Variants in TRPM6 observed in about 807,000 individuals in gnomAD.
TRPM6 encodes the protein transient receptor potential cation channel subfamily M member 6.
A neutral mutation model predicts 247.6 loss-of-function variants in TRPM6; 111 were observed. The observed-to-expected ratio is 0.45, with a 90% CI of 0.38 to 0.52. TRPM6 has a LOEUF of 0.52. TRPM6 is among the 20% of genes least tolerant of loss of function. The pLI is 0.00. For synonymous variants in TRPM6, 892 were observed against 853.8 expected (o/e 1.04, Z -0.78); for missense variants, 2,126 against 2,421.5 (o/e 0.88, Z 2.56).
intron 17 of TRPM6, 109 bp from the exon 18 acceptor site, chr9:74,797,002 A>G: frequency 1.0e-6 from 1 of 997,064 alleles, no homozygotes; most frequent in African/African-American, 1.6e-5. Flanking sequence ...GACCCATCCC[A>G]GTCAATTTTC....
chr9:74,800,171 A>G, intron 17 of TRPM6, 83 bp downstream of exon 17: 2 of 1,334,446 alleles, frequency 1.5e-6, no homozygotes, highest in Middle Eastern at 1.9e-4. Context: ...TGAAGACACA[A>G]TTCTGGAACA....
intron 27 of TRPM6, among the ~76,000 whole-genome samples, chr9:74,759,661 C>G (rs1156881115): frequency 6.6e-6 from 1 of 151,790 alleles, no homozygotes; most frequent in Non-Finnish European, 1.5e-5. Context: ...CAAGCAAGAG[C>G]TAAAACTATA....
In TRPM6 at chr9:74,788,730, C is replaced by T. The variant is rs779026898; in HGVS notation, c.2551G>A (p.Ala851Thr). The T allele has an allele frequency of 6.2e-7, 1 of 1,613,866 alleles. No homozygotes were observed. Residue 851 changes from alanine to threonine, a missense_variant, in exon 20 of 39, where the codon GCA becomes ACA. Coordinates refer to ENST00000360774, the MANE Select transcript of TRPM6 (RefSeq NM_017662.5). ...GTGTAAGTGAACAGCATGAGGAATG[C>T]CAAATACGCCATCTGTGAGGGGGAC... ...KFWFYTMAYL[A>T]FLMLFTYTVL...
intron 3 of TRPM6, among the ~76,000 whole-genome samples, chr9:74,843,551 G>A (rs1383694087): frequency 6.6e-6 from 1 of 152,036 alleles, no homozygotes; most frequent in Non-Finnish European, 1.5e-5. Flanking sequence ...GCTCACGCCT[G>A]TAATCCCAGC....
At chr9:74,863,593 T>G (rs1251934656) in intron 1 of TRPM6, among the ~76,000 whole-genome samples, 1 of 152,026 alleles carries the variant, frequency 6.6e-6, no homozygotes, top group Non-Finnish European at 1.5e-5. Context: ...AAAGTGACTT[T>G]TTTTTTGAGA....
intron 19 of TRPM6, among the ~76,000 whole-genome samples, chr9:74,789,960 C>CAAGAA (rs1827841100): frequency 3.1e-5 from 2 of 65,114 alleles, no homozygotes; most frequent in African/African-American, 6.4e-5. Flanking sequence ...GACTCCATCT[C>CAAGAA]AAAAAAAAAA....
intron 5 of TRPM6, among the ~76,000 whole-genome samples, chr9:74,836,335 G>C (rs2118149587): frequency 6.6e-6 from 1 of 152,196 alleles, no homozygotes; most frequent in East Asian, 1.9e-4. Context: ...TGTGTCATTA[G>C]CACAGAAGGA....
intron 13 of TRPM6, among the ~76,000 whole-genome samples, chr9:74,808,885 T>C (rs1356076521): frequency 6.6e-6 from 1 of 152,224 alleles, no homozygotes; most frequent in East Asian, 1.9e-4. Flanking sequence ...GACAGTATAG[T>C]GTTTTCTATA....
At position 74,872,197 on chromosome 9, in the gene TRPM6, G is replaced by A. The variant is rs142451190; in HGVS notation, c.34-13449C>T. 6.1e-3 allele frequency among the ~76,000 whole-genome samples: 931 copies of A among 152,182 alleles called. 1 individual carries two copies. The highest frequency in any genetic ancestry group is 0.01 in the Middle Eastern group (3 of 294). On this transcript the variant is annotated intron_variant, in intron 1 of 38. Transcript: ENST00000360774. ...GACAGGGTCTTGTTATGTTGGCCAGGGTAGCCTTGAACTCCTGGCCTCAAG... is the reference window on the plus strand; with the variant it reads ...GACAGGGTCTTGTTATGTTGGCCAGAGTAGCCTTGAACTCCTGGCCTCAAG...
rs1297681339 is a variant in TRPM6 at position 74,786,035 on chromosome 9, G to A, written c.2758C>T (p.Leu920=). 6.2e-7 allele frequency: 1 copy of A among 1,614,170 alleles called. No individual in the cohort carries two copies. The highest frequency in any genetic ancestry group is 8.5e-7 in the Non-Finnish European group (1 of 1,180,038). The part of the protein sequence containing the change: ...WNLTETVAIG[L]FSAGFVLRWG... The stretch of plus-strand genomic sequence containing the variant: ...CGAAGGACGAAGCCAGCTGAAAACA[G>A]GCCAATGGCCACAGTTTCTGTTAAG... Residue 920 remains leucine (L), a synonymous_variant, in exon 21 of 39, where the codon CTG becomes TTG. Transcript: ENST00000360774.
intron 27 of TRPM6, among the ~76,000 whole-genome samples, chr9:74,758,316 A>T (rs2118825291): frequency 6.6e-6 from 1 of 152,304 alleles, no homozygotes; most frequent in East Asian, 1.9e-4. Flanking sequence ...CCAGACAAAG[A>T]TATTACAATA....
At chr9:74,794,104 G>GAAAGC (rs1828004739) in intron 18 of TRPM6, among the ~76,000 whole-genome samples, 1 of 152,070 alleles carries the variant, frequency 6.6e-6, no homozygotes, top group Non-Finnish European at 1.5e-5. Context: ...GTAGCGAAAG[G>GAAAGC]AAAGCAAAAG....
At chr9:74,826,068 C>T (rs1294455285) in intron 7 of TRPM6, among the ~76,000 whole-genome samples, 1 of 152,046 alleles carries the variant, frequency 6.6e-6, no homozygotes, top group Non-Finnish European at 1.5e-5. Context: ...TACCCCACAA[C>T]CATGAGATGA....
intron 3 of TRPM6, among the ~76,000 whole-genome samples, chr9:74,844,213 C>T (rs1263071008): frequency 3.9e-5 from 6 of 152,318 alleles, no homozygotes; most frequent in Admixed American, 6.5e-5. Flanking sequence ...TAGACTTGCT[C>T]GATCCAAGGT....
At chr9:74,730,807 A>G (rs939404771) in intron 37 of TRPM6, among the ~76,000 whole-genome samples, 4 of 152,194 alleles carry the variant, frequency 2.6e-5, no homozygotes, top group Non-Finnish European at 5.9e-5. Flanking sequence ...TCATGGGAAA[A>G]TAGTGCTTCT....
At chr9:74,861,706 C>G (rs2118384192) in intron 1 of TRPM6, among the ~76,000 whole-genome samples, 1 of 152,196 alleles carries the variant, frequency 6.6e-6, no homozygotes, top group African/African-American at 2.4e-5. Flanking sequence ...GAATAAAGCT[C>G]AGGTATTATT....
intron 28 of TRPM6, among the ~76,000 whole-genome samples, chr9:74,754,378 G>T (rs1255520043): frequency 1.3e-5 from 2 of 152,074 alleles, no homozygotes; most frequent in African/African-American, 4.8e-5. Context: ...ATGACATTTT[G>T]GGCTGGATAA....
chr9:74,816,198 T>A (rs567130941), intron 11 of TRPM6, among the ~76,000 whole-genome samples: 3 of 151,972 alleles, frequency 2.0e-5, no homozygotes, highest in East Asian at 1.9e-4. Context: ...AATAATAAAA[T>A]AAAATACAAT....
intron 37 of TRPM6, among the ~76,000 whole-genome samples, chr9:74,731,707 A>G (rs1825527490): frequency 1.3e-5 from 2 of 148,208 alleles, no homozygotes; most frequent in Admixed American, 1.4e-4. Context: ...TATAATATAT[A>G]TAATATATAT....
Sources: gnomAD v4.1 joint callset for allele counts (sites outside exome capture counted in the v4.1 genomes callset) on GRCh38, gnomAD v4.1.1 for gene constraint, MANE v1.5 for transcripts, NCBI Gene and HGNC (gene_info 2026-07-23, HGNC 2026-07-21) for gene names.